Variants in SYNRG observed in about 807,000 individuals in gnomAD.
SYNRG encodes the protein AP1 gamma subunit binding protein 1.
In SYNRG, 37 loss-of-function variants were observed where a neutral mutation model predicts 130.9. The ratio of observed to expected loss-of-function variants is 0.28; its 90% CI spans 0.22 to 0.37. SYNRG has a LOEUF of 0.37. Among genes scored for constraint, SYNRG ranks in the 10% least tolerant of loss-of-function variants. SYNRG has a pLI of 1.00. For missense variants in SYNRG, 1,338 were observed against 1,588.9 expected (o/e 0.84, Z 2.68); for synonymous variants, 539 against 568.1 (o/e 0.95, Z 0.73).
Position 37,542,377 on chromosome 17 carries a change from A to G in SYNRG, c.2797T>C (p.Phe933Leu). The change falls in exon 15 of 22, where the codon TTT (phenylalanine) becomes CTT (leucine). Residue 933 changes from phenylalanine (F) to leucine (L), a missense_variant. Around this residue, in one of 3 missense-constraint regions of SYNRG, gnomAD observed 1,146 missense variants for 1,342.3 expected, o/e 0.85. Coordinates refer to ENST00000612223, the MANE Select transcript of SYNRG (RefSeq NM_007247.6). ...ATGGTGATGTTTTCAGAACTGCCAA[A>G]TGAAGTCTCTTTCTTTTGAAGAATT... ...TSILQKKETS[F>L]GSSENITMTS... The G allele has an allele frequency of 6.2e-7, 1 of 1,614,216 alleles. No individual in the cohort carries two copies. Among genetic ancestry groups the G allele is most frequent in the Non-Finnish European group, 8.5e-7 (1 of 1,180,042 alleles).
At chr17:37,526,653 T>C (rs1050072839) in intron 19 of SYNRG, among the ~76,000 whole-genome samples, 1 of 152,180 alleles carries the variant, frequency 6.6e-6, no homozygotes, top group African/African-American at 2.4e-5. Flanking sequence ...AGGGACGACC[T>C]CTACATTCCC....
At chr17:37,559,257 G>A (rs2059345150) in intron 13 of SYNRG, among the ~76,000 whole-genome samples, 1 of 152,152 alleles carries the variant, frequency 6.6e-6, no homozygotes, top group African/African-American at 2.4e-5. Context: ...ATATGTAGCA[G>A]TGACTATGCC....
intron 19 of SYNRG, among the ~76,000 whole-genome samples, chr17:37,532,222 T>G (rs1356102538): frequency 6.6e-6 from 1 of 152,228 alleles, no homozygotes; most frequent in Non-Finnish European, 1.5e-5. Context: ...AACACAGTCT[T>G]GATCTCTGTC....
intron 3 of SYNRG, among the ~76,000 whole-genome samples, chr17:37,593,412 C>CA (rs1225881918): frequency 6.7e-6 from 1 of 150,320 alleles, no homozygotes; most frequent in African/African-American, 2.4e-5. Flanking sequence ...GACTCTGTCT[C>CA]AAAAAAAAGA....
At chr17:37,598,598 C>T (rs930294911) in intron 2 of SYNRG, among the ~76,000 whole-genome samples, 4 of 152,200 alleles carry the variant, frequency 2.6e-5, no homozygotes, top group Admixed American at 1.3e-4. Flanking sequence ...GGTTCAAGTA[C>T]TCATGATCTT....
intron 1 of SYNRG, 90 bp downstream of exon 1, chr17:37,609,189 T>C: frequency 2.3e-6 from 3 of 1,288,280 alleles, no homozygotes. Context: ...AGGAAAAGGA[T>C]CAGGGCTGGA....
chr17:37,557,076 G>C (rs1004026263), intron 13 of SYNRG: 4 of 152,186 alleles, frequency 2.6e-5, no homozygotes, highest in African/African-American at 4.8e-5. Context: ...ATGGAAGCTT[G>C]TCTATCAGAA....
At chr17:37,538,541 T>C (rs984744771) in intron 17 of SYNRG, 121 bp from the exon 18 acceptor site, 19 of 653,294 alleles carry the variant, frequency 2.9e-5, no homozygotes, top group African/African-American at 2.6e-4. Flanking sequence ...ATTTTATCCT[T>C]GAAGAAACAA....
At chr17:37,529,985 A>G (rs534593693) in intron 19 of SYNRG, 1 of 755,644 alleles carries the variant, frequency 1.3e-6, no homozygotes, top group African/African-American at 1.8e-5. Flanking sequence ...GAGGCTTTTA[A>G]GTTACTCTAC....
At chr17:37,570,580 T>C in intron 10 of SYNRG, 57 bp downstream of exon 10, 3 of 1,551,976 alleles carry the variant, frequency 1.9e-6, no homozygotes, top group East Asian at 2.3e-5. Context: ...CCGGAAAAAA[T>C]GGTGCCCAGA....
intron 14 of SYNRG, among the ~76,000 whole-genome samples, chr17:37,549,443 C>T (rs1019767094): frequency 6.6e-6 from 1 of 152,014 alleles, no homozygotes; most frequent in African/African-American, 2.4e-5. Context: ...ATGGTTCAAA[C>T]CTTACTTTGT....
At chr17:37,538,445 C>T in intron 17 of SYNRG, 25 bp from the exon 18 acceptor site, 2 of 1,508,782 alleles carry the variant, frequency 1.3e-6, no homozygotes, top group African/African-American at 1.4e-5. Flanking sequence ...ATCACATCAC[C>T]TTACATAACT....
intron 19 of SYNRG, chr17:37,529,667 C>T: frequency 1.1e-6 from 1 of 926,408 alleles, no homozygotes. Flanking sequence ...TTGCACTTCA[C>T]CTGGTGAGAG....
At chr17:37,608,479 ATCTG>A (rs765417079) in intron 1 of SYNRG, among the ~76,000 whole-genome samples, 1 of 152,230 alleles carries the variant, frequency 6.6e-6, no homozygotes, top group Non-Finnish European at 1.5e-5. Flanking sequence ...ATGATAACGA[ATCTG>A]TCAGCTTGTA....
chr17:37,586,895 C>T (rs984674113), intron 3 of SYNRG, among the ~76,000 whole-genome samples: 1 of 151,988 alleles, frequency 6.6e-6, no homozygotes, highest in Non-Finnish European at 1.5e-5. Flanking sequence ...TGAGAAGAGG[C>T]ATTATATCTT....
chr17:37,570,635 A>G lies in SYNRG; in HGVS notation c.1347+2T>C. On this transcript the variant is annotated splice_donor_variant, in intron 10 of 21. Transcript: ENST00000612223. LOFTEE classifies it high-confidence loss of function. ...TGAAATATGCACAGCTTCGCCATTT[A>G]CCTGATTTGCAGGGTAGGTTGGTAT... The G allele has an allele frequency of 6.2e-7, 1 of 1,608,320 alleles. No individual in the cohort carries two copies. The highest frequency in any genetic ancestry group is 8.5e-7 in the Non-Finnish European group (1 of 1,177,366).
chr17:37,521,005 G>C (rs1298250498), intron 19 of SYNRG, among the ~76,000 whole-genome samples: 1 of 151,352 alleles, frequency 6.6e-6, no homozygotes, highest in Non-Finnish European at 1.5e-5. Flanking sequence ...CCTGAAGCCA[G>C]AGACTGCGTC....
chr17:37,597,679 T>A (rs141398567), intron 2 of SYNRG, among the ~76,000 whole-genome samples: 72 of 152,350 alleles, frequency 4.7e-4, no homozygotes, highest in African/African-American at 1.5e-3. Flanking sequence ...GGCTAGTGTT[T>A]CCCAAACTTT....
intron 19 of SYNRG, among the ~76,000 whole-genome samples, chr17:37,524,705 T>C (rs558345643): frequency 3.9e-5 from 6 of 152,390 alleles, no homozygotes; most frequent in African/African-American, 1.4e-4. Flanking sequence ...TCACTTGCCC[T>C]ACACCTCTCT....
Sources: allele counts gnomAD v4.1 joint callset (sites outside exome capture counted in the v4.1 genomes callset), GRCh38; gene constraint gnomAD v4.1.1; regional missense constraint gnomAD v4.1.1; transcripts MANE v1.5; gene names NCBI Gene and HGNC (gene_info 2026-07-23, HGNC 2026-07-21).